The following ELOVL7 variants were observed in gnomAD, a reference collection of about 807,000 sequenced individuals.
ELOVL7 encodes ELOVL fatty acid elongase 7.
A neutral mutation model predicts 35.7 loss-of-function variants in ELOVL7; 27 were observed. That is an observed-to-expected ratio of 0.76 (90% CI 0.56 to 1.04). The LOEUF is 1.04. Ranked by LOEUF, ELOVL7 falls within the 50% of genes least tolerant of loss-of-function variation. The pLI is 0.00. For synonymous variants in ELOVL7, 113 were observed against 114.6 expected, an observed-to-expected ratio of 0.99 and a Z score of 0.09; for missense variants, 327 against 340.8, an observed-to-expected ratio of 0.96 and a Z score of 0.32.
At position 60,825,998 on chromosome 5, in the gene ELOVL7, G is replaced by A. The variant is rs984639371; in HGVS notation, c.-86+18162C>T. The stretch of plus-strand genomic sequence containing the variant: ...CCATCTGGGGAAGGAATGCCCAGCG[G>A]TGGACAGGCAGGGCACATGGACTGA... On this transcript the variant is annotated intron_variant, in intron 1 of 8. Coordinates refer to ENST00000508821, the MANE Select transcript of ELOVL7 (RefSeq NM_024930.3). Among the ~76,000 whole-genome samples, 14 of 152,270 alleles carry A rather than the reference G, an allele frequency of 9.2e-5. No individual in the cohort carries two copies. The East Asian group carries it at 2.7e-3, about 29-fold the overall frequency.
chr5:60,787,868 G>A (rs994879613), intron 2 of ELOVL7, among the ~76,000 whole-genome samples: 2 of 152,112 alleles, frequency 1.3e-5, no homozygotes, highest in Non-Finnish European at 2.9e-5. Context: ...TCATCTTCAG[G>A]CCTCATAAAG....
intron 1 of ELOVL7, chr5:60,843,361 C>G (rs1212690676): frequency 1.0e-5 from 1 of 97,258 alleles, no homozygotes; most frequent in Non-Finnish European, 2.7e-5. Flanking sequence ...CCCAACGAAC[C>G]TGGGAAAGCC....
At chr5:60,831,898 T>C (rs1442159727) in intron 1 of ELOVL7, among the ~76,000 whole-genome samples, 1 of 152,220 alleles carries the variant, frequency 6.6e-6, no homozygotes, top group Non-Finnish European at 1.5e-5. Flanking sequence ...ACCTAGATTT[T>C]CCCCTTCTAT....
At chr5:60,807,457 A>G (rs772776931) in intron 1 of ELOVL7, among the ~76,000 whole-genome samples, 2 of 152,076 alleles carry the variant, frequency 1.3e-5, no homozygotes, top group Admixed American at 6.5e-5. Flanking sequence ...TGAGGGAAAG[A>G]GACAGCAAAG....
intron 3 of ELOVL7, chr5:60,784,008 C>T: frequency 2.8e-6 from 2 of 705,830 alleles, no homozygotes; most frequent in Admixed American, 4.0e-5. Context: ...CAATGATTAC[C>T]AAAGTTCTGA....
intron 6 of ELOVL7, among the ~76,000 whole-genome samples, chr5:60,765,531 C>A (rs1742182985): frequency 6.6e-6 from 1 of 152,134 alleles, no homozygotes; most frequent in Non-Finnish European, 1.5e-5. Flanking sequence ...CTGGAACCAC[C>A]AGAATACAGG....
At chr5:60,798,545 A>C (rs1012420638) in intron 2 of ELOVL7, among the ~76,000 whole-genome samples, 8 of 152,206 alleles carry the variant, frequency 5.3e-5, no homozygotes, top group African/African-American at 1.9e-4. Context: ...ATAAAAATAA[A>C]GCTGTAAAAA....
intron 6 of ELOVL7, among the ~76,000 whole-genome samples, chr5:60,766,325 T>C (rs1386957355): frequency 2.0e-5 from 3 of 152,190 alleles, no homozygotes; most frequent in Non-Finnish European, 2.9e-5. Context: ...AATCAACTGA[T>C]AGCTATGTAA....
intron 3 of ELOVL7, among the ~76,000 whole-genome samples, chr5:60,780,273 C>T (rs1284832064): frequency 6.6e-6 from 1 of 152,130 alleles, no homozygotes; most frequent in Non-Finnish European, 1.5e-5. Context: ...GCATGCGCCA[C>T]CACGCCCAGT....
chr5:60,789,416 A>G (rs1743790580), intron 2 of ELOVL7, among the ~76,000 whole-genome samples: 1 of 152,218 alleles, frequency 6.6e-6, no homozygotes, highest in South Asian at 2.1e-4. Context: ...TGAATAGGCC[A>G]AAATTCAAAC....
intron 7 of ELOVL7, among the ~76,000 whole-genome samples, chr5:60,760,066 CTT>C (rs1280492345): frequency 2.6e-5 from 4 of 152,146 alleles, no homozygotes; most frequent in Admixed American, 6.5e-5. Context: ...GGTTCCAAGT[CTT>C]TGTTATTGTG....
intron 1 of ELOVL7, among the ~76,000 whole-genome samples, chr5:60,832,758 T>A (rs1252944556): frequency 2.6e-5 from 4 of 152,048 alleles, no homozygotes; most frequent in African/African-American, 9.7e-5. Flanking sequence ...GCCACTTCCA[T>A]GAGTGAGATA....
At position 60,802,494 on chromosome 5, in the gene ELOVL7, C is replaced by T. The variant is rs752013916; in HGVS notation, c.-85-3264G>A. On this transcript the variant is annotated intron_variant, in intron 1 of 8. Coordinates refer to ENST00000508821, the MANE Select transcript of ELOVL7 (RefSeq NM_024930.3). The stretch of plus-strand genomic sequence containing the variant: ...CTCAGGAACGATAAGGCATCTGGGT[C>T]AAGAAGGGCAGGAATAGGAGGTGCA... The T allele has an allele frequency of 2.0e-5, 3 of 152,190 alleles. No individual in the cohort carries two copies. The East Asian group carries it at 5.8e-4, about 29-fold the overall frequency. 9.4% of individuals were successfully genotyped at this position (152,190 alleles called of 1,614,324 possible). A position where few individuals can be genotyped will look rare whatever the true frequency, so the allele number is the denominator to read the frequency against.
chr5:60,764,600 T>C (rs747223776), intron 6 of ELOVL7, among the ~76,000 whole-genome samples: 19 of 151,882 alleles, frequency 1.3e-4, no homozygotes, highest in Non-Finnish European at 2.4e-4. Flanking sequence ...ATCAAAGATA[T>C]AAAGTAAGGA....
chr5:60,831,786 T>C (rs185505664), intron 1 of ELOVL7, among the ~76,000 whole-genome samples: 1 of 152,222 alleles, frequency 6.6e-6, no homozygotes. Flanking sequence ...ATTTATGCTT[T>C]TAAAGAAGCA....
intron 3 of ELOVL7, chr5:60,786,157 A>G (rs1300835536): frequency 6.6e-6 from 1 of 152,230 alleles, no homozygotes; most frequent in Non-Finnish European, 1.5e-5. Context: ...CATAGGTTCT[A>G]GTCTTTTCTG....
chr5:60,821,813 T>C (rs1200481449), intron 1 of ELOVL7, among the ~76,000 whole-genome samples: 1 of 152,268 alleles, frequency 6.6e-6, no homozygotes, highest in African/African-American at 2.4e-5. Context: ...AAGTATGTGA[T>C]GCTTGTTGAA....
chr5:60,807,036 AC>A (rs1030035723), intron 1 of ELOVL7, among the ~76,000 whole-genome samples: 2 of 152,240 alleles, frequency 1.3e-5, no homozygotes, highest in Non-Finnish European at 2.9e-5. Flanking sequence ...GGCATCTACA[AC>A]ACGGCAGGGT....
At chr5:60,802,045 C>A (rs1431186176) in intron 1 of ELOVL7, among the ~76,000 whole-genome samples, 1 of 121,662 alleles carries the variant, frequency 8.2e-6, no homozygotes, top group African/African-American at 3.2e-5. Flanking sequence ...TGAGCCAATT[C>A]TCCCTAATAA....
Sources: allele counts gnomAD v4.1 joint callset (sites outside exome capture counted in the v4.1 genomes callset), GRCh38; gene constraint gnomAD v4.1.1; transcripts MANE v1.5; gene names NCBI Gene and HGNC (gene_info 2026-07-23, HGNC 2026-07-21).